The following FHIP1A variants were observed in gnomAD, a reference collection of about 807,000 sequenced individuals.
FHIP1A encodes the protein FHF complex subunit HOOK-interacting protein 1A.
In FHIP1A, 61 loss-of-function variants were observed where a neutral mutation model predicts 88.6. The ratio of observed to expected loss-of-function variants is 0.69; its 90% CI spans 0.56 to 0.85. FHIP1A has a LOEUF of 0.85. FHIP1A is among the 40% of genes least tolerant of loss of function. The probability of loss-of-function intolerance (pLI) is 0.00; values close to 1 mark genes in which losing one functional copy is unlikely to be tolerated. For missense variants in FHIP1A, 1,154 were observed against 1,273.5 expected, an observed-to-expected ratio of 0.91 and a Z score of 1.43; for synonymous variants, 478 against 496.0, an observed-to-expected ratio of 0.96 and a Z score of 0.48.
chr4:151,644,761 C>T (rs1736725428), intron 9 of FHIP1A, among the ~76,000 whole-genome samples: 1 of 152,162 alleles, frequency 6.6e-6, no homozygotes, highest in African/African-American at 2.4e-5. Flanking sequence ...GTTGCTGCTG[C>T]CTTCCCTTCC....
At chr4:151,495,853 C>T (rs1730442873) in intron 3 of FHIP1A, among the ~76,000 whole-genome samples, 2 of 151,984 alleles carry the variant, frequency 1.3e-5, no homozygotes, top group African/African-American at 2.4e-5. Flanking sequence ...GAACTCTTGA[C>T]CTCAGATGAT....
At chr4:151,615,337 G>A (rs1366406616) in intron 7 of FHIP1A, among the ~76,000 whole-genome samples, 6 of 151,374 alleles carry the variant, frequency 4.0e-5, no homozygotes, top group Admixed American at 3.9e-4. Context: ...GTGCTTCTAG[G>A]GCAAAAGTTT....
At chr4:151,573,157 C>T (rs1349484698) in intron 4 of FHIP1A, among the ~76,000 whole-genome samples, 1 of 152,016 alleles carries the variant, frequency 6.6e-6, no homozygotes, top group African/African-American at 2.4e-5. Flanking sequence ...TCTATAAATT[C>T]GATATTTTTA....
At position 151,650,099 on chromosome 4, in the gene FHIP1A, C is replaced by T. The variant is rs1736963412; in HGVS notation, c.2058C>T (p.Ser686=). The part of the protein sequence containing the change: ...SVPINNGPLL[S]TQPETDSEEE... ...CCATCAACAACGGCCCCCTCCTCAG[C>T]ACCCAGCCAGAGACAGATTCAGAGG... The change falls in exon 11 of 14, where the codon AGC becomes AGT. Residue 686 remains serine (S), a synonymous_variant. Transcript: ENST00000435205. 6.4e-7 allele frequency: 1 copy of T among 1,551,560 alleles called. No individual in the cohort carries two copies. The highest frequency in any genetic ancestry group is 2.0e-5 in the Admixed American group (1 of 50,988).
At chr4:151,523,820 A>C (rs768982843) in intron 3 of FHIP1A, among the ~76,000 whole-genome samples, 7 of 152,172 alleles carry the variant, frequency 4.6e-5, no homozygotes, top group Admixed American at 3.9e-4. Context: ...TATTAATACT[A>C]TTTGTGAACA....
chr4:151,466,084 A>G (rs1729303753), intron 2 of FHIP1A, among the ~76,000 whole-genome samples: 1 of 152,200 alleles, frequency 6.6e-6, no homozygotes, highest in Non-Finnish European at 1.5e-5. Flanking sequence ...AGAAGACCCC[A>G]TCGTCTCAGC....
intron 6 of FHIP1A, 123 bp from the exon 7 acceptor site, chr4:151,588,717 A>G (rs558789119): frequency 1.4e-6 from 1 of 724,664 alleles, no homozygotes; most frequent in African/African-American, 1.7e-5. Flanking sequence ...TTCTTTAATC[A>G]CAGAATAAAT....
chr4:151,660,117 G>C (rs571269667), intron 13 of FHIP1A, among the ~76,000 whole-genome samples: 1 of 152,122 alleles, frequency 6.6e-6, no homozygotes, highest in African/African-American at 2.4e-5. Context: ...ACCATAACTC[G>C]GGTCTGCTTG....
chr4:151,531,461 CTTGAT>C (rs1345741502), intron 3 of FHIP1A, among the ~76,000 whole-genome samples: 1 of 151,322 alleles, frequency 6.6e-6, no homozygotes, highest in Non-Finnish European at 1.5e-5. Context: ...TTTTCAAGGC[CTTGAT>C]TTTTGTAGAA....
chr4:151,457,006 T>C (rs1346123250), intron 2 of FHIP1A, among the ~76,000 whole-genome samples: 1 of 152,192 alleles, frequency 6.6e-6, no homozygotes, highest in Non-Finnish European at 1.5e-5. Flanking sequence ...AAAGAGGATC[T>C]TTTCAATGGA....
chr4:151,552,221 G>A (rs1732765735), intron 3 of FHIP1A, among the ~76,000 whole-genome samples: 1 of 152,314 alleles, frequency 6.6e-6, no homozygotes, highest in African/African-American at 2.4e-5. Context: ...CTTTTCCACT[G>A]TTGGTGGGAC....
At chr4:151,563,939 G>T (rs1467821687) in intron 3 of FHIP1A, among the ~76,000 whole-genome samples, 1 of 151,168 alleles carries the variant, frequency 6.6e-6, no homozygotes, top group Non-Finnish European at 1.5e-5. Flanking sequence ...GCTGCAGTGA[G>T]CTATGATGGC....
At chr4:151,450,049 C>T (rs763395724) in intron 1 of FHIP1A, among the ~76,000 whole-genome samples, 4 of 151,904 alleles carry the variant, frequency 2.6e-5, no homozygotes, top group Admixed American at 6.6e-5. Flanking sequence ...ATAAGATGTA[C>T]TTTGATGGTG....
At chr4:151,439,842 C>G (rs1728341266) in intron 1 of FHIP1A, among the ~76,000 whole-genome samples, 1 of 152,146 alleles carries the variant, frequency 6.6e-6, no homozygotes, top group Non-Finnish European at 1.5e-5. Flanking sequence ...TTATAAATTA[C>G]TAGCAATCTT....
At chr4:151,413,740 C>A (rs1732772927) in intron 1 of FHIP1A, among the ~76,000 whole-genome samples, 1 of 152,084 alleles carries the variant, frequency 6.6e-6, no homozygotes, top group Admixed American at 6.6e-5. Flanking sequence ...CAGACATGAG[C>A]CACCGCGCCT....
chr4:151,661,212 G>A (rs1737443341), intron 13 of FHIP1A, among the ~76,000 whole-genome samples: 1 of 152,154 alleles, frequency 6.6e-6, no homozygotes, highest in African/African-American at 2.4e-5. Context: ...GGTTGGGGAT[G>A]AGAAGGGGTG....
At chr4:151,432,805 T>G (rs1437041195) in intron 1 of FHIP1A, among the ~76,000 whole-genome samples, 3 of 152,018 alleles carry the variant, frequency 2.0e-5, no homozygotes, top group African/African-American at 7.3e-5. Context: ...AAGTCTAGGC[T>G]AGACAGGAGA....
chr4:151,596,919 T>A (rs1734669910), intron 7 of FHIP1A, among the ~76,000 whole-genome samples: 1 of 152,140 alleles, frequency 6.6e-6, no homozygotes, highest in Admixed American at 6.5e-5. Context: ...TAGGTAGCAA[T>A]TCCTCTACGC....
chr4:151,651,705 C>G lies in FHIP1A; in HGVS notation c.2551+1113C>G, dbSNP rs373787558. Among the ~76,000 whole-genome samples, 20 of 152,324 alleles carry G rather than the reference C, an allele frequency of 1.3e-4. No homozygotes were observed. The East Asian group carries it at 2.9e-3, about 22-fold the overall frequency. Reference sequence around the variant, plus strand: ...CCCAAAATAGATGAAAACAGATTGCCTTCTGGTCCAGCCAGCCAAGTAGGT... The same window carrying G: ...CCCAAAATAGATGAAAACAGATTGCGTTCTGGTCCAGCCAGCCAAGTAGGT... On this transcript the variant is annotated intron_variant, in intron 11 of 13. Coordinates refer to ENST00000435205, the MANE Select transcript of FHIP1A (RefSeq NM_001109977.3).
Sources: gnomAD v4.1 joint callset for allele counts (sites outside exome capture counted in the v4.1 genomes callset) on GRCh38, gnomAD v4.1.1 for gene constraint, MANE v1.5 for transcripts, NCBI Gene and HGNC (gene_info 2026-07-23, HGNC 2026-07-21) for gene names.